The following PPM1D variants were observed in gnomAD, a reference collection of about 807,000 sequenced individuals.
The protein encoded by PPM1D is protein phosphatase 1D.
PPM1D carries 52 observed loss-of-function variants against 58.3 expected under a neutral mutation model. The ratio of observed to expected loss-of-function variants is 0.89; its 90% confidence interval spans 0.71 to 1.12. The LOEUF (loss-of-function observed/expected upper bound fraction) is 1.12, where lower values mean the gene tolerates loss of function less well. PPM1D is among the 50% of genes most tolerant of loss of function. The pLI is 0.00. For synonymous variants in PPM1D, 278 were observed against 285.1 expected, an observed-to-expected ratio of 0.98 and a Z score of 0.25; for missense variants, 564 against 777.2, an observed-to-expected ratio of 0.73 and a Z score of 3.26.
At chr17:60,633,095 G>T (rs1271929657) in intron 2 of PPM1D, among the ~76,000 whole-genome samples, 2 of 152,062 alleles carry the variant, frequency 1.3e-5, no homozygotes, top group African/African-American at 2.4e-5. Flanking sequence ...AGACCAGCCT[G>T]GCCAACATGC....
rs113484541 is a variant in PPM1D, at chr17:60,656,644, T to C, written c.1063T>C (p.Leu355=). The C allele has an allele frequency of 3.1e-6, 5 of 1,614,186 alleles. No homozygotes were observed. The highest frequency in any genetic ancestry group is 1.3e-5 in the African/African-American group (1 of 75,052). The change falls in exon 5 of 6, where the codon TTG becomes CTG. Residue 355 remains leucine (L), a synonymous_variant. Transcript: ENST00000305921. ...SCAKMLVNRA[L]GRWRQRMLRA... The stretch of plus-strand genomic sequence containing the variant: ...TGCCAAAATGCTTGTGAATCGAGCA[T>C]TGGGCCGCTGGAGGCAGCGTATGCT...
intron 1 of PPM1D, among the ~76,000 whole-genome samples, chr17:60,613,120 G>A (rs934626169): frequency 2.0e-5 from 3 of 152,034 alleles, no homozygotes; most frequent in Non-Finnish European, 4.4e-5. Flanking sequence ...CTGTGGAATT[G>A]GGGAATTGTG....
At chr17:60,653,389 G>T (rs2031380367) in intron 4 of PPM1D, among the ~76,000 whole-genome samples, 1 of 152,116 alleles carries the variant, frequency 6.6e-6, no homozygotes, top group Admixed American at 6.6e-5. Flanking sequence ...TGTTCCATTG[G>T]TCTATGTGTC....
At chr17:60,620,601 G>A (rs1598402698) in intron 1 of PPM1D, among the ~76,000 whole-genome samples, 1 of 150,496 alleles carries the variant, frequency 6.6e-6, no homozygotes, top group South Asian at 2.1e-4. Flanking sequence ...ATCTCAGCTC[G>A]CTGCAATCTC....
Position 60,619,441 on chromosome 17 carries a change from G to A in PPM1D, c.473-4080G>A, listed in dbSNP as rs146858507. 3.7e-3 allele frequency among the ~76,000 whole-genome samples: 556 copies of A among 152,074 alleles called. 3 individuals are homozygous for A. The highest frequency in any genetic ancestry group is 0.013 in the African/African-American group (543 of 41,468). On this transcript the variant is annotated intron_variant, in intron 1 of 5. Coordinates refer to ENST00000305921, the MANE Select transcript of PPM1D (RefSeq NM_003620.4). ...GAGTCATATGGTACTTCTATTTTTA[G>A]ATATATTTTTAATTCTATAATATTT...
chr17:60,659,720 C>CAT (rs2031495684), intron 5 of PPM1D, among the ~76,000 whole-genome samples: 1 of 152,210 alleles, frequency 6.6e-6, no homozygotes, highest in African/African-American at 2.4e-5. Flanking sequence ...CTCAATATCA[C>CAT]ATAACTGTTT....
Position 60,628,537 on chromosome 17 carries a change from C to T in PPM1D, c.701+4788C>T, listed in dbSNP as rs1031933746. On this transcript the variant is annotated intron_variant, in intron 2 of 5. Coordinates refer to ENST00000305921, the MANE Select transcript of PPM1D (RefSeq NM_003620.4). ...TCCCTCCCCCACTTACTCCTGGCAA[C>T]CACTGCTCTTTTTACTGCCTTCATA... is the stretch of plus-strand genomic sequence containing the variant. Among the ~76,000 whole-genome samples the T allele has an allele frequency of 3.9e-5, 6 of 152,280 alleles. No homozygotes were observed. In the South Asian group the frequency reaches 8.3e-4, roughly 21 times the overall value.
chr17:60,657,595 A>C lies in PPM1D; in HGVS notation c.1260+754A>C, dbSNP rs532179728. Among the ~76,000 whole-genome samples, 640 of 152,312 alleles carry C rather than the reference A, an allele frequency of 4.2e-3. 8 individuals carry two copies. Among genetic ancestry groups the C allele is most frequent in the Non-Finnish European group, 4.5e-3 (306 of 68,028 alleles). ...GTCACCTATTCAGGAAGTTTTTTAA[A>C]GTGTCAAAGGCCTTTAATTTTGGGC... On this transcript the variant is annotated intron_variant, in intron 5 of 5. Transcript: ENST00000305921.
Position 60,621,906 on chromosome 17 carries a change from G to A in PPM1D, c.473-1615G>A, listed in dbSNP as rs1209770711. On this transcript the variant is annotated intron_variant, in intron 1 of 5. Transcript: ENST00000305921. ...ATCTCAAAAAAAAAAAAAAATTATCGGCCAGGCGTGGTGGCTCACGCCTGT... is the reference window on the plus strand; with the variant it reads ...ATCTCAAAAAAAAAAAAAAATTATCAGCCAGGCGTGGTGGCTCACGCCTGT... Among the ~76,000 whole-genome samples the A allele has an allele frequency of 6.1e-5, 9 of 147,772 alleles. No homozygotes were observed. In the East Asian group the frequency reaches 1.0e-3, roughly 17 times the overall value.
intron 1 of PPM1D, among the ~76,000 whole-genome samples, chr17:60,609,600 G>A (rs961259886): frequency 6.6e-5 from 10 of 152,128 alleles, no homozygotes; most frequent in African/African-American, 2.4e-4. Flanking sequence ...CACTGTGTCA[G>A]CCCTGGATGT....
intron 5 of PPM1D, among the ~76,000 whole-genome samples, chr17:60,660,126 A>C (rs1391996739): frequency 6.6e-6 from 1 of 152,230 alleles, no homozygotes; most frequent in Non-Finnish European, 1.5e-5. Flanking sequence ...ACCCGAGGTC[A>C]GGAGTTTGAG....
chr17:60,639,556 A>G (rs1598408417), intron 3 of PPM1D, among the ~76,000 whole-genome samples: 1 of 151,406 alleles, frequency 6.6e-6, no homozygotes, highest in South Asian at 2.1e-4. Flanking sequence ...TTCTGCCTCC[A>G]TCTCCCAAGT....
chr17:60,630,961 T>C (rs958463278), intron 2 of PPM1D, among the ~76,000 whole-genome samples: 1 of 152,246 alleles, frequency 6.6e-6, no homozygotes, highest in Non-Finnish European at 1.5e-5. Context: ...TTGAGAGTCA[T>C]CATTGAAGAA....
At chr17:60,660,072 G>A (rs1292230654) in intron 5 of PPM1D, among the ~76,000 whole-genome samples, 1 of 151,928 alleles carries the variant, frequency 6.6e-6, no homozygotes, top group Admixed American at 6.6e-5. Context: ...GTGGTGACAT[G>A]TGCCTGTAAT....
Position 60,630,490 on chromosome 17 carries a change from G to A in PPM1D, c.702-3363G>A, listed in dbSNP as rs199959649. 4.6e-5 allele frequency among the ~76,000 whole-genome samples: 7 copies of A among 152,134 alleles called. No individual in the cohort carries two copies. In the East Asian group the frequency reaches 7.7e-4, roughly 17 times the overall value. Reference sequence around the variant, plus strand: ...TTATTTCCTTGCTTCCCTCTGTCCCGGCCTAGGCAACGGGCCAGCATTTTG... The same window carrying A: ...TTATTTCCTTGCTTCCCTCTGTCCCAGCCTAGGCAACGGGCCAGCATTTTG... On this transcript the variant is annotated intron_variant, in intron 2 of 5. Coordinates refer to ENST00000305921, the MANE Select transcript of PPM1D (RefSeq NM_003620.4).
At chr17:60,623,883 G>C in intron 2 of PPM1D, 134 bp downstream of exon 2, 2 of 805,820 alleles carry the variant, frequency 2.5e-6, no homozygotes, top group Non-Finnish European at 3.8e-6. Flanking sequence ...TAGTTTGTCT[G>C]ATGTAATACT....
Position 60,630,829 on chromosome 17 carries a change from G to GTAA in PPM1D, c.702-3024_702-3023insTAA, listed in dbSNP as rs368875916. ...ACTAAGCCTTACCTTGTAAGGAGAA[G>GTAA]GTTTAGCAAAGAATAATAGAGCTTT... On this transcript the variant is annotated intron_variant, in intron 2 of 5. Transcript: ENST00000305921. 5.4e-3 allele frequency among the ~76,000 whole-genome samples: 829 copies of GTAA among 152,290 alleles called. 6 individuals carry two copies. Among genetic ancestry groups the GTAA allele is most frequent in the African/African-American group, 0.019 (789 of 41,568 alleles).
chr17:60,656,056 T>C (rs1659722308), intron 4 of PPM1D, among the ~76,000 whole-genome samples: 1 of 152,034 alleles, frequency 6.6e-6, no homozygotes, highest in South Asian at 2.1e-4. Context: ...AAAATAAAAA[T>C]AGTGAAATTT....
At chr17:60,632,711 C>T (rs1000521574) in intron 2 of PPM1D, among the ~76,000 whole-genome samples, 4 of 152,296 alleles carry the variant, frequency 2.6e-5, no homozygotes, top group South Asian at 2.1e-4. Flanking sequence ...ATTAGGCAGG[C>T]GTGGTGGCCC....
Sources: gnomAD v4.1 joint callset for allele counts (sites outside exome capture counted in the v4.1 genomes callset) on GRCh38, gnomAD v4.1.1 for gene constraint, MANE v1.5 for transcripts, NCBI Gene and HGNC (gene_info 2026-07-23, HGNC 2026-07-21) for gene names.